KCNK10: variants seen among roughly 807,000 people sequenced by gnomAD.
KCNK10 encodes potassium two pore domain channel subfamily K member 10.
Under a neutral mutation model 47.7 loss-of-function variants are expected in KCNK10, and 25 were observed. The observed-to-expected ratio is 0.52, with a 90% CI of 0.38 to 0.73. The LOEUF is 0.73. Ranked by LOEUF, KCNK10 falls within the 30% of genes least tolerant of loss-of-function variation. The pLI, the probability that KCNK10 is intolerant of heterozygous loss-of-function variation, is 0.00. For synonymous variants in KCNK10, 303 were observed against 285.6 expected, an observed-to-expected ratio of 1.06 and a Z score of -0.61; for missense variants, 563 against 714.5, an observed-to-expected ratio of 0.79 and a Z score of 2.42.
intron 4 of KCNK10, among the ~76,000 whole-genome samples, chr14:88,201,521 G>A (rs1885101616): frequency 6.6e-6 from 1 of 152,112 alleles, no homozygotes; most frequent in Non-Finnish European, 1.5e-5. Context: ...TCAGCCAGGT[G>A]TGGTGGCAGG....
intron 4 of KCNK10, among the ~76,000 whole-genome samples, chr14:88,212,180 C>A (rs1595083493): frequency 6.7e-6 from 1 of 148,494 alleles, no homozygotes; most frequent in African/African-American, 2.5e-5. Context: ...GTGGCTTATG[C>A]CTATAATCCC....
chr14:88,253,962 C>T (rs1886871986), intron 2 of KCNK10, among the ~76,000 whole-genome samples: 1 of 152,008 alleles, frequency 6.6e-6, no homozygotes, highest in Non-Finnish European at 1.5e-5. Context: ...TTTCTGTTCA[C>T]CAACATAAAG....
At chr14:88,311,053 C>T (rs987306518) in intron 1 of KCNK10, among the ~76,000 whole-genome samples, 2 of 152,068 alleles carry the variant, frequency 1.3e-5, no homozygotes, top group African/African-American at 4.8e-5. Flanking sequence ...TAAGATACAC[C>T]TCCCATTTGC....
chr14:88,254,285 G>C lies in KCNK10; in HGVS notation c.402+8917C>G, dbSNP rs532275854. ...TGCCCCCAGAAACATTCTCCAGAGAGAGAGGAATAGACCCCTGTCGTTTGC... is the reference window on the plus strand; with the variant it reads ...TGCCCCCAGAAACATTCTCCAGAGACAGAGGAATAGACCCCTGTCGTTTGC... On this transcript the variant is annotated intron_variant, in intron 2 of 6. Coordinates refer to ENST00000319231, the MANE Select transcript of KCNK10 (RefSeq NM_138317.3). 5.1e-4 allele frequency among the ~76,000 whole-genome samples: 78 copies of C among 152,300 alleles called. 2 individuals carry two copies. The highest frequency in any genetic ancestry group is 2.5e-3 in the Admixed American group (39 of 15,298).
In KCNK10 at chr14:88,181,389, G is replaced by GGT. The variant is rs36106355; in HGVS notation, c.*4144_*4145dup. ...AGAACCCAAAGCAGCCATTTCCTCA[G>GGT]GTGTGTGTGTGTGTGTGTATGTGTG... On this transcript the variant is annotated 3_prime_UTR_variant, in exon 7 of 7. Coordinates refer to ENST00000319231, the MANE Select transcript of KCNK10 (RefSeq NM_138317.3). The GGT allele has an allele frequency of 0.42, 63,232 of 149,404 alleles. 15,763 individuals are homozygous for GGT. Among genetic ancestry groups the GGT allele is most frequent in the Non-Finnish European group, 0.57 (38,258 of 67,384 alleles). 9.3% of individuals were successfully genotyped at this position (149,404 alleles called of 1,614,324 possible).
At chr14:88,193,561 T>G (rs999928440) in intron 4 of KCNK10, among the ~76,000 whole-genome samples, 12 of 152,156 alleles carry the variant, frequency 7.9e-5, no homozygotes, top group Admixed American at 7.9e-4. Context: ...CTTTCTACAT[T>G]GCCTAGATGA....
At chr14:88,220,145 C>T (rs1034894989) in intron 4 of KCNK10, among the ~76,000 whole-genome samples, 4 of 152,170 alleles carry the variant, frequency 2.6e-5, no homozygotes, top group Non-Finnish European at 5.9e-5. Flanking sequence ...TGGCCGGGCG[C>T]GGTGGCTCAC....
At chr14:88,269,385 A>G (rs1031030885) in intron 1 of KCNK10, among the ~76,000 whole-genome samples, 4 of 152,348 alleles carry the variant, frequency 2.6e-5, no homozygotes, top group East Asian at 1.9e-4. Flanking sequence ...TCCCGCCTTC[A>G]GAGTTAATGG....
At chr14:88,223,112 C>G (rs1885870963) in intron 4 of KCNK10, among the ~76,000 whole-genome samples, 1 of 152,132 alleles carries the variant, frequency 6.6e-6, no homozygotes, top group Non-Finnish European at 1.5e-5. Flanking sequence ...CAAGAGCTAT[C>G]ATAAAAGACT....
At chr14:88,257,515 C>T (rs1886990929) in intron 2 of KCNK10, among the ~76,000 whole-genome samples, 1 of 152,244 alleles carries the variant, frequency 6.6e-6, no homozygotes. Context: ...CCAACCATGG[C>T]CTACCCAATG....
intron 1 of KCNK10, among the ~76,000 whole-genome samples, chr14:88,276,505 T>G (rs1404103866): frequency 6.6e-6 from 1 of 152,154 alleles, no homozygotes; most frequent in Non-Finnish European, 1.5e-5. Context: ...CTTTCCAGCT[T>G]GCTACCCTCA....
chr14:88,204,795 T>C (rs1322104673), intron 4 of KCNK10, among the ~76,000 whole-genome samples: 2 of 152,138 alleles, frequency 1.3e-5, no homozygotes, highest in East Asian at 3.9e-4. Context: ...AGATCTCCCA[T>C]ATAGCCCCCG....
intron 3 of KCNK10, among the ~76,000 whole-genome samples, chr14:88,239,670 C>CCAATGTGG (rs1472313087): frequency 6.6e-6 from 1 of 151,974 alleles, no homozygotes; most frequent in African/African-American, 2.4e-5. Flanking sequence ...ACCAGCCTGG[C>CCAATGTGG]CAATGTGGTG....
chr14:88,308,972 C>T (rs1471586581), intron 1 of KCNK10, among the ~76,000 whole-genome samples: 3 of 152,146 alleles, frequency 2.0e-5, no homozygotes, highest in African/African-American at 7.2e-5. Flanking sequence ...CAAATGTGTG[C>T]CTGAAACAGA....
chr14:88,230,111 C>A (rs1005903907), intron 3 of KCNK10, among the ~76,000 whole-genome samples: 1 of 152,158 alleles, frequency 6.6e-6, no homozygotes, highest in Admixed American at 6.5e-5. Context: ...ACATGCAAAG[C>A]AAGAGTTACA....
At chr14:88,208,630 T>C (rs1885359344) in intron 4 of KCNK10, among the ~76,000 whole-genome samples, 2 of 152,368 alleles carry the variant, frequency 1.3e-5, no homozygotes. Flanking sequence ...GCTTTTTTTT[T>C]GTTAGCTCTG....
intron 1 of KCNK10, among the ~76,000 whole-genome samples, chr14:88,273,929 C>T (rs1176108415): frequency 6.6e-6 from 1 of 152,168 alleles, no homozygotes; most frequent in Non-Finnish European, 1.5e-5. Flanking sequence ...TATCCCCTTT[C>T]CCTGGGGCCA....
rs1438811798 is a variant in KCNK10 at position 88,323,006 on chromosome 14, G to C, written c.-208C>G. On this transcript the variant is annotated 5_prime_UTR_variant, in exon 1 of 7. Coordinates refer to ENST00000319231, the MANE Select transcript of KCNK10 (RefSeq NM_138317.3). ...TGGAGAGGGCTTGGGTGTTTGCACCGGCCAGGGGGTGGCCGGCCGCGGCCC... is the reference window on the plus strand; with the variant it reads ...TGGAGAGGGCTTGGGTGTTTGCACCCGCCAGGGGGTGGCCGGCCGCGGCCC... 9 of 1,380,950 alleles carry C rather than the reference G, an allele frequency of 6.5e-6. No homozygotes were observed. The Admixed American group carries it at 1.8e-4, about 28-fold the overall frequency. The allele number at this position is 1,380,950 out of a possible 1,614,324, so 85.5% of individuals were successfully genotyped here. A position where few individuals can be genotyped will look rare whatever the true frequency, so the allele number is the denominator to read the frequency against.
At chr14:88,324,648 G>C (rs1888625462), upstream of KCNK10, among the ~76,000 whole-genome samples, 1 of 152,146 alleles carries the variant, frequency 6.6e-6, no homozygotes, top group African/African-American at 2.4e-5. Context: ...CTGTTAGATT[G>C]TTGTTGCCTT....
Sources: allele counts gnomAD v4.1 joint callset (sites outside exome capture counted in the v4.1 genomes callset), GRCh38; gene constraint gnomAD v4.1.1; transcripts MANE v1.5; gene names NCBI Gene and HGNC (gene_info 2026-07-23, HGNC 2026-07-21).